Variants in UNKL observed in about 807,000 individuals in gnomAD.
The protein encoded by UNKL is putative E3 ubiquitin-protein ligase UNKL.
In UNKL, 60 loss-of-function variants were observed where a neutral mutation model predicts 78.0. That is an observed-to-expected ratio of 0.77 (90% CI 0.63 to 0.95). UNKL has a LOEUF of 0.95. Among genes scored for constraint, UNKL ranks in the 40% least tolerant of loss-of-function variants. The pLI is 0.00. For missense variants in UNKL, 1,159 were observed against 1,045.7 expected, an observed-to-expected ratio of 1.11 and a Z score of -1.49; for synonymous variants, 608 against 474.8, an observed-to-expected ratio of 1.28 and a Z score of -3.65.
At chr16:1,405,192 C>A (rs1233428805) in intron 2 of UNKL, among the ~76,000 whole-genome samples, 1 of 52,122 alleles carries the variant, frequency 1.9e-5, no homozygotes, top group African/African-American at 8.2e-5. Context: ...AAGACCCTGT[C>A]TCAAAAAAAA....
intron 10 of UNKL, among the ~76,000 whole-genome samples, chr16:1,382,188 A>G (rs528937300): frequency 1.3e-5 from 2 of 152,336 alleles, no homozygotes; most frequent in South Asian, 2.1e-4. Flanking sequence ...ACTCCCACCC[A>G]TGGAGTATTC....
chr16:1,396,329 A>G (rs2037258954), intron 6 of UNKL, among the ~76,000 whole-genome samples: 1 of 147,578 alleles, frequency 6.8e-6, no homozygotes, highest in South Asian at 2.1e-4. Context: ...ATCTCGGCTC[A>G]CTCTAAGCTC....
At position 1,367,801 on chromosome 16, in the gene UNKL, C is replaced by A. The variant is rs1360489312; in HGVS notation, c.1643G>T (p.Ser548Ile). The A allele has an allele frequency of 3.2e-6, 5 of 1,575,360 alleles. No individual in the cohort carries two copies. The change falls in exon 13 of 15, where the codon AGC (serine) becomes ATC (isoleucine). Residue 548 changes from serine to isoleucine, a missense_variant. By Grantham distance (142) the Ser-to-Ile change is moderately radical. Transcript: ENST00000389221. ...WDFVSGSFSP[S>I]PSPILSAGPP... Reference sequence around the variant, plus strand: ...GCCGGCACTCAGGATGGGGGAGGGGCTGGGGGAGAAGCTGCCGGAAACAAA... The same window carrying A: ...GCCGGCACTCAGGATGGGGGAGGGGATGGGGGAGAAGCTGCCGGAAACAAA...
At chr16:1,375,968 C>G (rs1419595194) in intron 10 of UNKL, among the ~76,000 whole-genome samples, 1 of 152,222 alleles carries the variant, frequency 6.6e-6, no homozygotes, top group Non-Finnish European at 1.5e-5. Context: ...AGCAGCAGAG[C>G]CGAGACACTG....
At chr16:1,414,421 C>T (rs1461993717) in intron 1 of UNKL, among the ~76,000 whole-genome samples, 194 bp downstream of exon 1, 2 of 151,974 alleles carry the variant, frequency 1.3e-5, no homozygotes, top group Non-Finnish European at 2.9e-5. Flanking sequence ...GAACCAGGTG[C>T]CATCCCAGAC....
chr16:1,404,279 C>T (rs922404032), intron 2 of UNKL, among the ~76,000 whole-genome samples: 3 of 152,214 alleles, frequency 2.0e-5, no homozygotes, highest in Admixed American at 6.5e-5. Context: ...CCTCCAGCTC[C>T]AACTGGGGAG....
In UNKL at chr16:1,366,417, G is replaced by A. The variant is rs375555025; in HGVS notation, c.2047-22C>T. ...TCACCTGCAGGGCCAGAACAATGAC[G>A]GGCTCAGGAGGCCCCTGCCCAGGCT... On this transcript the variant is annotated intron_variant, in intron 14 of 14. Transcript: ENST00000389221. 38 of 1,555,266 alleles carry A rather than the reference G, an allele frequency of 2.4e-5. No homozygotes were observed. The East Asian group carries it at 4.0e-4, about 16-fold the overall frequency.
chr16:1,383,698 G>C, intron 10 of UNKL: 1 of 398,758 alleles, frequency 2.5e-6, no homozygotes, highest in South Asian at 1.7e-5. Context: ...CAGAAGCTGC[G>C]GCTCTCGGGC....
At chr16:1,401,967 A>C (rs1596753403) in intron 3 of UNKL, among the ~76,000 whole-genome samples, 1 of 152,322 alleles carries the variant, frequency 6.6e-6, no homozygotes, top group African/African-American at 2.4e-5. Context: ...ACGCAATCAC[A>C]GCTCATTGCA....
intron 6 of UNKL, among the ~76,000 whole-genome samples, chr16:1,396,480 T>G (rs892501869): frequency 6.7e-6 from 1 of 150,158 alleles, no homozygotes; most frequent in African/African-American, 2.5e-5. Context: ...ACAGACATGT[T>G]GACCAGGCTG....
chr16:1,401,813 C>G, intron 3 of UNKL, 112 bp from the exon 4 acceptor site: 2 of 1,449,684 alleles, frequency 1.4e-6, no homozygotes, highest in Non-Finnish European at 9.2e-7. Context: ...AGGCTGCTGC[C>G]GAAGGGTTCA....
chr16:1,366,045 G>T lies in UNKL; in HGVS notation c.*195C>A. 1.7e-6 allele frequency: 1 copy of T among 578,526 alleles called. No homozygotes were observed. The highest frequency in any genetic ancestry group is 4.8e-4 in the Middle Eastern group (1 of 2,072). 35.8% of individuals were successfully genotyped at this position (578,526 alleles called of 1,614,324 possible). A position where few individuals can be genotyped will look rare whatever the true frequency, so the allele number is the denominator to read the frequency against. Reference sequence around the variant, plus strand: ...TGAAACCGTCGGTAGGACTAGATAGGTGACAACGTGTGACAGGAAAGGCTG... The same window carrying T: ...TGAAACCGTCGGTAGGACTAGATAGTTGACAACGTGTGACAGGAAAGGCTG... On this transcript the variant is annotated 3_prime_UTR_variant, in exon 15 of 15. Transcript: ENST00000389221.
intron 10 of UNKL, among the ~76,000 whole-genome samples, chr16:1,382,574 T>A (rs111686679): frequency 0.073 from 11,120 of 152,100 alleles, 540 homozygotes; most frequent in Non-Finnish European, 0.11. Context: ...CTCCGGCAGG[T>A]GCACAACAGA....
In UNKL at chr16:1,413,291, G is replaced by T. The variant is rs1029777718; in HGVS notation, c.287+555C>A. On this transcript the variant is annotated intron_variant, in intron 2 of 14. Transcript: ENST00000389221. ...AAAAAAAAAAAAAAAAAGTGGGGCC[G>T]GGTACGGTGGCTCATGCCTGTCATC... 6.3e-3 allele frequency among the ~76,000 whole-genome samples: 908 copies of T among 144,538 alleles called. 17 individuals are homozygous for T. Among genetic ancestry groups the T allele is most frequent in the African/African-American group, 0.022 (865 of 38,450 alleles). The allele number at this position is 144,538 out of a possible 152,430, so 94.8% of individuals were successfully genotyped here. A position where few individuals can be genotyped will look rare whatever the true frequency, so the allele number is the denominator to read the frequency against.
rs1483132659 is a variant in UNKL at position 1,401,594 on chromosome 16, ATCT to A, written c.569_571del (p.Lys190del). On this transcript the variant is annotated inframe_deletion, in exon 4 of 15. Transcript: ENST00000389221. ...TTGCCACCGGGGGTCCTCGCTCAGG[ATCT>A]TCTCAATCATGGCCTGGCTGGCCAA... The A allele has an allele frequency of 6.3e-7, 1 of 1,595,712 alleles. No individual in the cohort carries two copies. Among genetic ancestry groups the A allele is most frequent in the African/African-American group, 1.4e-5 (1 of 72,548 alleles).
chr16:1,368,632 A>AC (rs2035517657), intron 12 of UNKL, among the ~76,000 whole-genome samples: 1 of 146,972 alleles, frequency 6.8e-6, no homozygotes, highest in Non-Finnish European at 1.5e-5. Context: ...AAAAAAAAAA[A>AC]AAACAGGCCT....
chr16:1,413,170 A>G (rs1171249985), intron 2 of UNKL, among the ~76,000 whole-genome samples: 1 of 149,454 alleles, frequency 6.7e-6, no homozygotes, highest in East Asian at 2.0e-4. Context: ...ACTTGAGCCT[A>G]GGAGTTGGTG....
chr16:1,398,310 T>C (rs1390505003), intron 5 of UNKL: 53 of 999,626 alleles, frequency 5.3e-5, no homozygotes, highest in Non-Finnish European at 6.3e-5. Context: ...CTTCGTGGAA[T>C]CTCTAGCTGC....
intron 10 of UNKL, among the ~76,000 whole-genome samples, chr16:1,377,385 T>C (rs2036316122): frequency 6.6e-6 from 1 of 151,992 alleles, no homozygotes; most frequent in South Asian, 2.1e-4. Context: ...CAGATGCCCC[T>C]GTTGGTCCTG....
Sources: allele counts gnomAD v4.1 joint callset (sites outside exome capture counted in the v4.1 genomes callset), GRCh38; gene constraint gnomAD v4.1.1; transcripts MANE v1.5; gene names NCBI Gene and HGNC (gene_info 2026-07-23, HGNC 2026-07-21).